The following CNKSR3 variants were observed in gnomAD, a reference collection of about 807,000 sequenced individuals.
CNKSR3 encodes the protein connector enhancer of kinase suppressor of ras 3.
A neutral mutation model predicts 67.7 loss-of-function variants in CNKSR3; 36 were observed. The ratio of observed to expected loss-of-function variants is 0.53; its 90% CI spans 0.41 to 0.70. The LOEUF (loss-of-function observed/expected upper bound fraction) is 0.70. Ranked by LOEUF, CNKSR3 falls within the 30% of genes least tolerant of loss-of-function variation. CNKSR3 has a pLI of 0.00. For synonymous variants in CNKSR3, 281 were observed against 271.4 expected, an observed-to-expected ratio of 1.04 and a Z score of -0.35; for missense variants, 630 against 695.2, an observed-to-expected ratio of 0.91 and a Z score of 1.05.
intron 1 of CNKSR3, among the ~76,000 whole-genome samples, chr6:154,502,013 A>G (rs1447732110): frequency 6.6e-6 from 1 of 152,218 alleles, no homozygotes; most frequent in Non-Finnish European, 1.5e-5. Flanking sequence ...CCACAACAAT[A>G]TTAAACATTT....
At chr6:154,422,182 CG>C (rs1298088629) in intron 9 of CNKSR3, among the ~76,000 whole-genome samples, 1 of 151,854 alleles carries the variant, frequency 6.6e-6, no homozygotes, top group African/African-American at 2.4e-5. Context: ...TTAGTAGAGA[CG>C]GGGTTTCACC....
chr6:154,472,171 T>TA (rs1265081296), intron 1 of CNKSR3, among the ~76,000 whole-genome samples: 3 of 152,014 alleles, frequency 2.0e-5, no homozygotes, highest in East Asian at 3.8e-4. Flanking sequence ...AAGTATAATT[T>TA]AAAAAAAACA....
At chr6:154,459,078 G>C (rs993392674) in intron 1 of CNKSR3, among the ~76,000 whole-genome samples, 2 of 144,402 alleles carry the variant, frequency 1.4e-5, no homozygotes, top group Non-Finnish European at 3.1e-5. Flanking sequence ...AAGAAAAAAA[G>C]AAAGAGAAAG....
Position 154,504,350 on chromosome 6 carries a change from A to G in CNKSR3, c.52+5713T>C, listed in dbSNP as rs144913037. ...CTGACAGGTGCCCCTGGATGATAAG[A>G]ATACACCTTATGAAAGACTTCACTG... On this transcript the variant is annotated intron_variant, in intron 1 of 12. Transcript: ENST00000607772. Among the ~76,000 whole-genome samples the G allele has an allele frequency of 7.2e-5, 11 of 152,350 alleles. No homozygotes were observed. In the East Asian group the frequency reaches 7.7e-4, roughly 11 times the overall value.
At chr6:154,437,857 C>CA (rs1463254961) in intron 4 of CNKSR3, among the ~76,000 whole-genome samples, 1 of 151,960 alleles carries the variant, frequency 6.6e-6, no homozygotes, top group Non-Finnish European at 1.5e-5. Flanking sequence ...AAATTTAAAA[C>CA]AAAAAAATAC....
At chr6:154,494,208 A>T (rs1388802831) in intron 1 of CNKSR3, among the ~76,000 whole-genome samples, 2 of 152,196 alleles carry the variant, frequency 1.3e-5, no homozygotes, top group Non-Finnish European at 2.9e-5. Context: ...GAGGAAGCAA[A>T]CACATCCTTC....
At chr6:154,421,385 TC>T (rs2128713644) in intron 9 of CNKSR3, among the ~76,000 whole-genome samples, 1 of 152,352 alleles carries the variant, frequency 6.6e-6, no homozygotes, top group South Asian at 2.1e-4. Context: ...TCACAAAGTT[TC>T]AAAGTTGATG....
At chr6:154,498,051 T>G (rs952230517) in intron 1 of CNKSR3, among the ~76,000 whole-genome samples, 4 of 152,226 alleles carry the variant, frequency 2.6e-5, no homozygotes, top group Admixed American at 2.0e-4. Context: ...GCCGAATTCC[T>G]GTTTTTACCC....
chr6:154,495,552 T>C (rs72999374), intron 1 of CNKSR3, among the ~76,000 whole-genome samples: 3,042 of 149,720 alleles, frequency 0.02, 37 homozygotes, highest in Middle Eastern at 0.034. Context: ...ATTTTTTTTT[T>C]TTTGTAGAGA....
At chr6:154,429,136 C>T (rs75742028) in intron 6 of CNKSR3, among the ~76,000 whole-genome samples, 12 of 152,234 alleles carry the variant, frequency 7.9e-5, no homozygotes, top group South Asian at 2.1e-4. Context: ...GGACTCACCA[C>T]GTGTACATTT....
intron 2 of CNKSR3, among the ~76,000 whole-genome samples, chr6:154,448,255 T>C (rs80202776): frequency 0.035 from 5,311 of 152,028 alleles, 221 homozygotes; most frequent in East Asian, 0.19. Flanking sequence ...ACTTGATGCA[T>C]GTGATGCGTC....
At chr6:154,494,428 G>T (rs929656777) in intron 1 of CNKSR3, among the ~76,000 whole-genome samples, 1 of 152,162 alleles carries the variant, frequency 6.6e-6, no homozygotes, top group Non-Finnish European at 1.5e-5. Context: ...TGGGGACACA[G>T]CCAAACTGTA....
At position 154,406,342 on chromosome 6, in the gene CNKSR3, G is replaced by A; in HGVS notation, c.*12C>T. 2 of 1,603,326 alleles carry A rather than the reference G, an allele frequency of 1.2e-6. No individual in the cohort carries two copies. Among genetic ancestry groups the A allele is most frequent in the South Asian group, 2.2e-5 (2 of 89,806 alleles). On this transcript the variant is annotated 3_prime_UTR_variant, in exon 13 of 13. Transcript: ENST00000607772. ...GGCAGGAGCCAGGCAGGTGGCCTGAGCAGGGTCCCTCTCAGTGAGTCAACA... is the reference window on the plus strand; with the variant it reads ...GGCAGGAGCCAGGCAGGTGGCCTGAACAGGGTCCCTCTCAGTGAGTCAACA...
chr6:154,491,851 T>A (rs768527236), intron 1 of CNKSR3, among the ~76,000 whole-genome samples: 34 of 152,220 alleles, frequency 2.2e-4, no homozygotes, highest in Non-Finnish European at 4.6e-4. Flanking sequence ...ATTTATCAGA[T>A]ATCTAGTTAC....
At chr6:154,463,848 G>A (rs1295992691) in intron 1 of CNKSR3, among the ~76,000 whole-genome samples, 2 of 152,156 alleles carry the variant, frequency 1.3e-5, no homozygotes, top group African/African-American at 4.8e-5. Flanking sequence ...AGGTGACCCT[G>A]TGGTTCCCAC....
At chr6:154,443,619 T>A (rs951776833) in intron 2 of CNKSR3, among the ~76,000 whole-genome samples, 15 of 152,164 alleles carry the variant, frequency 9.9e-5, no homozygotes, top group Middle Eastern at 3.4e-3. Context: ...CATAGAGTCA[T>A]GGAATGCATG....
chr6:154,433,406 T>C (rs1785408539), intron 5 of CNKSR3, 60 bp downstream of exon 5: 1 of 1,172,952 alleles, frequency 8.5e-7, no homozygotes. Context: ...ATTTACTTAA[T>C]GTGATTCCCA....
intron 1 of CNKSR3, among the ~76,000 whole-genome samples, chr6:154,497,194 C>T (rs910611170): frequency 4.1e-4 from 62 of 150,888 alleles, no homozygotes; most frequent in African/African-American, 1.2e-3. Flanking sequence ...GCCTGGGAAA[C>T]GGAAACATAA....
intron 7 of CNKSR3, among the ~76,000 whole-genome samples, chr6:154,426,936 C>T (rs1181395292): frequency 2.0e-5 from 3 of 152,174 alleles, no homozygotes; most frequent in South Asian, 4.1e-4. Context: ...TACTGAGTCT[C>T]GATCAAGGAT....
Sources: allele counts gnomAD v4.1 joint callset (sites outside exome capture counted in the v4.1 genomes callset), GRCh38; gene constraint gnomAD v4.1.1; transcripts MANE v1.5; gene names NCBI Gene and HGNC (gene_info 2026-07-23, HGNC 2026-07-21).